CCDC77: variants seen among roughly 807,000 people sequenced by gnomAD.
The protein encoded by CCDC77 is coiled-coil domain containing 77.
CCDC77 carries 56 observed loss-of-function variants against 66.8 expected under a neutral mutation model. The observed-to-expected ratio is 0.84, with a 90% confidence interval of 0.68 to 1.05. The LOEUF is 1.05. CCDC77 is among the 50% of genes least tolerant of loss of function. CCDC77 has a pLI of 0.00. For synonymous variants in CCDC77, 196 were observed against 195.2 expected (o/e 1.00, Z -0.03); for missense variants, 570 against 576.8 (o/e 0.99, Z 0.12).
At chr12:408,772 CAAG>C (rs1247430907) in intron 2 of CCDC77, among the ~76,000 whole-genome samples, 6 of 152,180 alleles carry the variant, frequency 3.9e-5, no homozygotes, top group East Asian at 1.9e-4. Context: ...TTGCAGATAA[CAAG>C]GAGACTTTTC....
At chr12:413,297 C>T (rs1230983355) in intron 4 of CCDC77, among the ~76,000 whole-genome samples, 2 of 150,612 alleles carry the variant, frequency 1.3e-5, no homozygotes, top group Admixed American at 6.7e-5. Context: ...AGTGCAGTGG[C>T]GCGATCTCAG....
chr12:441,860 A>G lies in CCDC77; in HGVS notation c.1407A>G (p.Gly469=). 1 of 1,613,812 alleles carries G rather than the reference A, an allele frequency of 6.2e-7. No individual in the cohort carries two copies. The highest frequency in any genetic ancestry group is 8.5e-7 in the Non-Finnish European group (1 of 1,179,966). The change falls in exon 13 of 13, where the codon GGA becomes GGG. Residue 469 remains glycine (G), a synonymous_variant. Transcript: ENST00000239830. The part of the protein sequence containing the change: ...DSNRRAHKIQ[G]ELKNLKSKVF... ...ATAGACGGGCACATAAGATACAAGG[A>G]GAACTGAAGAATCTTAAGTCGAAAG...
chr12:407,888 C>T (rs963287412), intron 2 of CCDC77, among the ~76,000 whole-genome samples: 8 of 148,420 alleles, frequency 5.4e-5, no homozygotes, highest in Admixed American at 2.1e-4. Context: ...CCCAGGTTCA[C>T]GCCACTCTCC....
At chr12:427,719 G>T (rs140034105) in intron 5 of CCDC77, among the ~76,000 whole-genome samples, 1 of 151,916 alleles carries the variant, frequency 6.6e-6, no homozygotes, top group Non-Finnish European at 1.5e-5. Flanking sequence ...CAGGTGATCC[G>T]CCTGCCTCAG....
chr12:441,670 A>G (rs1945859681), intron 12 of CCDC77, 104 bp from the exon 13 acceptor site: 2 of 1,242,876 alleles, frequency 1.6e-6, no homozygotes, highest in East Asian at 2.4e-5. Flanking sequence ...TGTACTCAAA[A>G]TCTCACAAAA....
intron 1 of CCDC77, chr12:389,621 G>T (rs989839883): frequency 5.1e-6 from 1 of 196,960 alleles, no homozygotes; most frequent in South Asian, 6.2e-5. Flanking sequence ...TTCCGGCGCG[G>T]AGGAATGTGT....
intron 4 of CCDC77, among the ~76,000 whole-genome samples, chr12:412,300 A>G (rs1945127609): frequency 6.6e-6 from 1 of 152,162 alleles, no homozygotes; most frequent in African/African-American, 2.4e-5. Flanking sequence ...TATAGCTCTG[A>G]TATCAAGTCC....
intron 4 of CCDC77, among the ~76,000 whole-genome samples, chr12:413,622 T>G (rs1489388378): frequency 6.8e-6 from 1 of 146,390 alleles, no homozygotes; most frequent in African/African-American, 2.6e-5. Flanking sequence ...ATTCACTGAA[T>G]GGGATTTTTT....
chr12:438,015 C>T (rs1032733555), intron 9 of CCDC77, among the ~76,000 whole-genome samples: 2 of 151,978 alleles, frequency 1.3e-5, no homozygotes, highest in South Asian at 4.1e-4. Flanking sequence ...TGTCTTATTC[C>T]TAGGAATGGT....
At chr12:403,374 G>A (rs1477173811) in intron 1 of CCDC77, among the ~76,000 whole-genome samples, 3 of 152,228 alleles carry the variant, frequency 2.0e-5, no homozygotes, top group Non-Finnish European at 4.4e-5. Context: ...TGACATAGAA[G>A]TAACTGAAAT....
chr12:410,425 G>T (rs1214924581), intron 3 of CCDC77, among the ~76,000 whole-genome samples: 2 of 151,820 alleles, frequency 1.3e-5, no homozygotes, highest in Non-Finnish European at 2.9e-5. Context: ...GTGCCACCAG[G>T]CCCGGCTGAT....
At chr12:430,301 A>AT (rs956805349) in intron 6 of CCDC77, among the ~76,000 whole-genome samples, 1 of 151,572 alleles carries the variant, frequency 6.6e-6, no homozygotes, top group African/African-American at 2.4e-5. Flanking sequence ...CCTTATTTTT[A>AT]TTTTTTTAGA....
intron 1 of CCDC77, among the ~76,000 whole-genome samples, chr12:391,826 C>G (rs1278227139): frequency 6.6e-6 from 1 of 152,192 alleles, no homozygotes; most frequent in Non-Finnish European, 1.5e-5. Context: ...TGGTTGCTTA[C>G]AACAGCAGGA....
At chr12:419,420 C>T (rs1308206393) in intron 5 of CCDC77, among the ~76,000 whole-genome samples, 3 of 152,064 alleles carry the variant, frequency 2.0e-5, no homozygotes, top group Admixed American at 6.6e-5. Context: ...TGTTCCATTA[C>T]AGTGCTCTTC....
At chr12:417,507 C>A (rs1314950839) in intron 4 of CCDC77, among the ~76,000 whole-genome samples, 2 of 152,182 alleles carry the variant, frequency 1.3e-5, no homozygotes, top group Non-Finnish European at 2.9e-5. Flanking sequence ...TTATTTTAAT[C>A]ATTTGCCTCT....
At chr12:431,795 A>G in intron 7 of CCDC77, 71 bp from the exon 8 acceptor site, 1 of 961,584 alleles carries the variant, frequency 1.0e-6, no homozygotes, top group Non-Finnish European at 1.6e-6. Context: ...TGCGTGGGAA[A>G]TACTGATATT....
At position 440,787 on chromosome 12, in the gene CCDC77, G is replaced by A. The variant is rs759449275; in HGVS notation, c.1167+45G>A. ...TTGTAATGGAATAGGAAGTGCAGAT[G>A]GCTGGGGAAGACGCTTCCCTCACCT... On this transcript the variant is annotated intron_variant, in intron 11 of 12. Coordinates refer to ENST00000239830, the MANE Select transcript of CCDC77 (RefSeq NM_032358.4). 15 of 1,613,212 alleles carry A rather than the reference G, an allele frequency of 9.3e-6. No homozygotes were observed. In the African/African-American group the frequency reaches 1.7e-4, roughly 19 times the overall value.
intron 9 of CCDC77, among the ~76,000 whole-genome samples, chr12:435,785 CTGGAGTGCAG>C (rs1454893536): frequency 6.6e-6 from 1 of 152,244 alleles, no homozygotes; most frequent in Non-Finnish European, 1.5e-5. Context: ...GTTGCCCAGG[CTGGAGTGCAG>C]TGGTGTGATC....
At chr12:411,700 A>G (rs1945114359) in intron 3 of CCDC77, 47 bp from the exon 4 acceptor site, 1 of 1,476,614 alleles carries the variant, frequency 6.8e-7, no homozygotes, top group Non-Finnish European at 9.3e-7. Context: ...TATAACTCAT[A>G]AACTTTCGCA....
Sources: allele counts gnomAD v4.1 joint callset (sites outside exome capture counted in the v4.1 genomes callset), GRCh38; gene constraint gnomAD v4.1.1; transcripts MANE v1.5; gene names NCBI Gene and HGNC (gene_info 2026-07-23, HGNC 2026-07-21).